The following C16orf46 variants were observed in gnomAD, a reference collection of about 807,000 sequenced individuals.
C16orf46 encodes the protein chromosome 16 open reading frame 46.
Under a neutral mutation model 5.5 loss-of-function variants are expected in C16orf46, and 7 were observed. The ratio of observed to expected loss-of-function variants is 1.28; its 90% CI spans 0.73 to 2.40. The LOEUF (loss-of-function observed/expected upper bound fraction) is 2.40, where lower values mean the gene tolerates loss of function less well. C16orf46 is among the 30% of genes most tolerant of loss of function. The pLI, the probability that C16orf46 is intolerant of heterozygous loss-of-function variation, is 0.00. For missense variants in C16orf46, 614 were observed against 476.0 expected (o/e 1.29, Z -2.70); for synonymous variants, 200 against 184.1 (o/e 1.09, Z -0.70).
downstream of C16orf46, among the ~76,000 whole-genome samples, chr16:81,059,852 G>A (rs1479759415): frequency 2.6e-5 from 4 of 150,964 alleles, no homozygotes; most frequent in East Asian, 2.0e-4. Context: ...GCAGTGGCAC[G>A]ATCTCCGCTC....
chr16:81,074,125 C>T (rs543264399), intron 1 of C16orf46, among the ~76,000 whole-genome samples: 2 of 152,286 alleles, frequency 1.3e-5, no homozygotes, highest in Admixed American at 1.3e-4. Flanking sequence ...TTCCTCAGTT[C>T]TTGGTATTCT....
At chr16:81,065,723 T>G (rs1971633125) in intron 2 of C16orf46, among the ~76,000 whole-genome samples, 1 of 152,160 alleles carries the variant, frequency 6.6e-6, no homozygotes, top group Non-Finnish European at 1.5e-5. Context: ...GAAAACTAGT[T>G]TTTTTCATTT....
intron 1 of C16orf46, among the ~76,000 whole-genome samples, chr16:81,067,622 G>A (rs1050092828): frequency 1.3e-5 from 2 of 151,904 alleles, no homozygotes; most frequent in Non-Finnish European, 2.9e-5. Context: ...GTGTGATCTC[G>A]GATCACTGCA....
rs1972072709 is a variant in C16orf46, at chr16:81,077,181, C to T, written c.-173G>A. ...AAGGCCCCGAGACAGCTAGTCCCGG[C>T]CTACTGGCAAGAGCTACTCAGGTCG... On this transcript the variant is annotated 5_prime_UTR_variant, in exon 1 of 4. Transcript: ENST00000299578. The T allele has an allele frequency of 6.6e-6, 1 of 152,470 alleles. No individual in the cohort carries two copies. The highest frequency in any genetic ancestry group is 1.5e-5 in the Non-Finnish European group (1 of 68,126). 9.4% of individuals were successfully genotyped at this position (152,470 alleles called of 1,614,324 possible).
intron 3 of C16orf46, 105 bp downstream of exon 3, chr16:81,063,641 A>G: frequency 3.2e-6 from 3 of 931,148 alleles, no homozygotes; most frequent in Middle Eastern, 4.4e-4. Flanking sequence ...CATGTCATTG[A>G]TTCCACATTT....
intron 2 of C16orf46, among the ~76,000 whole-genome samples, chr16:81,064,553 G>C (rs994498914): frequency 6.6e-6 from 1 of 152,018 alleles, no homozygotes; most frequent in Non-Finnish European, 1.5e-5. Context: ...TTCGAGGACA[G>C]CCTGGCCAAC....
chr16:81,063,656 G>T, intron 3 of C16orf46, 90 bp downstream of exon 3: 2 of 1,094,018 alleles, frequency 1.8e-6, no homozygotes, highest in Admixed American at 2.2e-5. Context: ...ACATTTTTTG[G>T]TAATATTAAC....
Position 81,061,694 on chromosome 16 carries a change from A to G in C16orf46, c.655T>C (p.Ser219Pro), listed in dbSNP as rs748192210. 3 of 1,614,184 alleles carry G rather than the reference A, an allele frequency of 1.9e-6. No individual in the cohort carries two copies. In the South Asian group the frequency reaches 3.3e-5, roughly 18 times the overall value. Reference protein sequence around the residue: ...LVLPPLKASLSNALDVLGKKS... With the variant: ...LVLPPLKASLPNALDVLGKKS... ...TTACCCAGAACATCCAAAGCATTTG[A>G]AAGTGAAGCCTTCAGGGGAGGCAGA... The change falls in exon 4 of 4, where the codon TCA becomes CCA. Residue 219 changes from serine (S) to proline (P), a missense_variant. Transcript: ENST00000299578.
At chr16:81,068,733 G>C (rs1009276095) in intron 1 of C16orf46, among the ~76,000 whole-genome samples, 9 of 151,406 alleles carry the variant, frequency 5.9e-5, no homozygotes, top group South Asian at 2.1e-4. Flanking sequence ...ACCAAGTCTC[G>C]CTCTGTCACC....
At chr16:81,065,332 G>A (rs886734345) in intron 2 of C16orf46, among the ~76,000 whole-genome samples, 28 of 152,164 alleles carry the variant, frequency 1.8e-4, no homozygotes, top group South Asian at 1.2e-3. Flanking sequence ...AAGTTAGCCA[G>A]GTGTGGTGGT....
intron 1 of C16orf46, among the ~76,000 whole-genome samples, chr16:81,075,776 T>C (rs1246829791): frequency 5.3e-5 from 8 of 152,180 alleles, no homozygotes; most frequent in African/African-American, 9.7e-5. Flanking sequence ...TACAAATATC[T>C]TACCGTAGCT....
At chr16:81,054,996 A>G (rs776406203) in intron 3 of C16orf46, among the ~76,000 whole-genome samples, 1 of 152,182 alleles carries the variant, frequency 6.6e-6, no homozygotes. Context: ...CTGTTACAAG[A>G]TATGTGCTTA....
chr16:81,060,941 T>C, downstream of C16orf46: 1 of 1,320,142 alleles, frequency 7.6e-7, no homozygotes, highest in Non-Finnish European at 9.7e-7. Context: ...CGTTAACACA[T>C]GAATATGGTG....
chr16:81,070,553 CTG>C (rs1971814550), intron 1 of C16orf46, among the ~76,000 whole-genome samples: 2 of 152,146 alleles, frequency 1.3e-5, no homozygotes, highest in Non-Finnish European at 2.9e-5. Context: ...ACAGAAAGGA[CTG>C]TCTTTTCAAC....
At chr16:81,063,629 T>C in intron 3 of C16orf46, 117 bp downstream of exon 3, 1 of 837,526 alleles carries the variant, frequency 1.2e-6, no homozygotes, top group Non-Finnish European at 1.9e-6. Context: ...CCAGGGTTTC[T>C]ACATGTCATT....
chr16:81,057,340 G>C (rs1971327861), downstream of C16orf46, among the ~76,000 whole-genome samples: 1 of 151,980 alleles, frequency 6.6e-6, no homozygotes, highest in African/African-American at 2.4e-5. Flanking sequence ...TTTGAGGTCA[G>C]GAGTTTGAGA....
At chr16:81,064,313 G>C (rs1242852943) in intron 2 of C16orf46, among the ~76,000 whole-genome samples, 1 of 149,100 alleles carries the variant, frequency 6.7e-6, no homozygotes, top group African/African-American at 2.5e-5. Flanking sequence ...TCAGTGAGCT[G>C]AGATTGGCCA....
At chr16:81,071,150 G>A (rs1050116054) in intron 1 of C16orf46, among the ~76,000 whole-genome samples, 1 of 152,086 alleles carries the variant, frequency 6.6e-6, no homozygotes, top group African/African-American at 2.4e-5. Context: ...ACTCTGTACA[G>A]CCCCACTAAG....
exon 4 of C16orf46, chr16:81,053,874 C>T (rs867974680): frequency 3.7e-5 from 20 of 538,316 alleles, no homozygotes; most frequent in Middle Eastern, 6.1e-4. Flanking sequence ...CCTAAAAGAG[C>T]GAGCCGATGA....
Sources: allele counts gnomAD v4.1 joint callset (sites outside exome capture counted in the v4.1 genomes callset), GRCh38; gene constraint gnomAD v4.1.1; transcripts MANE v1.5; gene names NCBI Gene and HGNC (gene_info 2026-07-23, HGNC 2026-07-21).